Variants in TRAP1 observed in about 807,000 individuals in gnomAD.
The protein encoded by TRAP1 is TNF receptor associated protein 1, also known as heat shock protein 75 kDa, mitochondrial.
Under a neutral mutation model 89.1 loss-of-function variants are expected in TRAP1, and 102 were observed. The observed-to-expected ratio is 1.15, with a 90% confidence interval of 0.98 to 1.35. The LOEUF is 1.35. Ranked by LOEUF, TRAP1 falls within the 40% of genes most tolerant of loss-of-function variation. The probability of loss-of-function intolerance (pLI) is 0.00; values close to 1 mark genes in which losing one functional copy is unlikely to be tolerated. For synonymous variants in TRAP1, 508 were observed against 388.0 expected (o/e 1.31, Z -3.64); for missense variants, 1,256 against 945.3 (o/e 1.33, Z -4.31).
In TRAP1 at chr16:3,686,070, A is replaced by G; in HGVS notation, c.397T>C (p.Ser133Pro). 3 of 1,614,100 alleles carry G rather than the reference A, an allele frequency of 1.9e-6. No homozygotes were observed. Among genetic ancestry groups the G allele is most frequent in the Non-Finnish European group, 2.5e-6 (3 of 1,180,008 alleles). Residue 133 changes from serine to proline, a missense_variant, in exon 4 of 18, where the codon TCT becomes CCT. By Grantham distance (74) the Ser-to-Pro change is moderately conservative. Coordinates refer to ENST00000246957, the MANE Select transcript of TRAP1 (RefSeq NM_016292.3). Reference protein sequence around the residue: ...ALEKLRHKLVSDGQALPEMEI... With the variant: ...ALEKLRHKLVPDGQALPEMEI... ...ATTTCTGGCAGTGCTTGGCCGTCAG[A>G]CACCAGTTTGTGACGCAGTTTTTCC... is the stretch of plus-strand genomic sequence containing the variant.
At chr16:3,714,836 C>G (rs2051576645) in intron 1 of TRAP1, among the ~76,000 whole-genome samples, 1 of 152,122 alleles carries the variant, frequency 6.6e-6, no homozygotes, top group South Asian at 2.1e-4. Flanking sequence ...ATGCTACAAC[C>G]TGGAAATACT....
chr16:3,703,754 G>A (rs925764784), intron 1 of TRAP1, among the ~76,000 whole-genome samples: 5 of 152,128 alleles, frequency 3.3e-5, no homozygotes, highest in East Asian at 3.9e-4. Flanking sequence ...GGTGGCTTAC[G>A]CCTGTAATCC....
intron 1 of TRAP1, among the ~76,000 whole-genome samples, chr16:3,705,530 G>T (rs954368301): frequency 6.6e-6 from 1 of 152,146 alleles, no homozygotes; most frequent in Non-Finnish European, 1.5e-5. Flanking sequence ...ACAATATATG[G>T]TTTTTTGTCT....
At chr16:3,684,090 C>CG (rs1567234736) in intron 4 of TRAP1, among the ~76,000 whole-genome samples, 1 of 151,956 alleles carries the variant, frequency 6.6e-6, no homozygotes, top group African/African-American at 2.4e-5. Flanking sequence ...CACTTAAATC[C>CG]GGGGGGCAGA....
intron 8 of TRAP1, 198 bp from the exon 9 acceptor site, chr16:3,674,692 G>A (rs1004071960): frequency 1.6e-6 from 1 of 639,914 alleles, no homozygotes. Flanking sequence ...ACAAGGCTCT[G>A]GGGCAGGAGC....
chr16:3,700,225 T>C (rs1000956087), intron 1 of TRAP1, among the ~76,000 whole-genome samples: 1 of 151,726 alleles, frequency 6.6e-6, no homozygotes, highest in East Asian at 1.9e-4. Flanking sequence ...TGGAGTGCAA[T>C]GGCGCGATCT....
intron 3 of TRAP1, among the ~76,000 whole-genome samples, chr16:3,688,431 C>T (rs1359209312): frequency 6.6e-6 from 1 of 152,148 alleles, no homozygotes; most frequent in East Asian, 1.9e-4. Flanking sequence ...GGCCTCAGAG[C>T]GTATCCAAAG....
rs1340976845 is a variant in TRAP1 at position 3,677,934 on chromosome 16, G to A, written c.544-276C>T. ...CTGTCCCAGACAGGTGGAGGCCTGT[G>A]GGTCACACCTGGGGGTGGGGAAAGA... On this transcript the variant is annotated intron_variant, in intron 5 of 17. Transcript: ENST00000246957. The A allele has an allele frequency of 2.3e-5, 9 of 398,986 alleles. No homozygotes were observed. The East Asian group carries it at 4.3e-4, about 19-fold the overall frequency. The allele number at this position is 398,986 out of a possible 1,614,324, so 24.7% of individuals were successfully genotyped here.
chr16:3,665,996 A>C lies in TRAP1; in HGVS notation c.1358T>G (p.Val453Gly), dbSNP rs2050822299. 1 of 1,613,986 alleles carries C rather than the reference A, an allele frequency of 6.2e-7. No homozygotes were observed. Among genetic ancestry groups the C allele is most frequent in the Non-Finnish European group, 8.5e-7 (1 of 1,179,948 alleles). ...DYGLFMREGI[V>G]TATEQEVKED... is the part of the protein sequence containing the mutation. ...CTTGACCTCCTGCTCGGTGGCGGTC[A>C]CAATGCCCTCCCGCATGAACAGGCC... The change falls in exon 12 of 18, where the codon GTG becomes GGG. Residue 453 changes from valine to glycine, a missense_variant. Transcript: ENST00000246957.
chr16:3,709,227 C>CAAAAAAAAAAAAAACAAAAAAAA (rs2051493221), intron 1 of TRAP1, among the ~76,000 whole-genome samples: 1 of 82,398 alleles, frequency 1.2e-5, no homozygotes, highest in Non-Finnish European at 2.8e-5. Context: ...AACTCCATCT[C>CAAAAAAAAAAAAAACAAAAAAAA]AAAAAAAAAA....
chr16:3,674,537 C>T, intron 8 of TRAP1, 43 bp from the exon 9 acceptor site: 1 of 1,601,392 alleles, frequency 6.2e-7, no homozygotes, highest in African/African-American at 1.3e-5. Flanking sequence ...GTTCACCACG[C>T]ACGTCTTCTC....
intron 5 of TRAP1, among the ~76,000 whole-genome samples, chr16:3,678,759 C>G (rs751756347): frequency 6.6e-6 from 1 of 152,194 alleles, no homozygotes; most frequent in African/African-American, 2.4e-5. Context: ...CCGCACCCGA[C>G]CTAGTGTTTT....
chr16:3,687,536 C>T (rs2051153661), intron 3 of TRAP1, among the ~76,000 whole-genome samples: 1 of 152,174 alleles, frequency 6.6e-6, no homozygotes, highest in South Asian at 2.1e-4. Flanking sequence ...CAGGGCCCAG[C>T]TGTCCCTCAG....
intron 15 of TRAP1, 58 bp from the exon 16 acceptor site, chr16:3,662,190 A>G: frequency 6.4e-7 from 1 of 1,571,846 alleles, no homozygotes; most frequent in Non-Finnish European, 8.6e-7. Flanking sequence ...GAGGGCTGGC[A>G]GGATCTTACC....
chr16:3,700,340 C>T (rs1006865449), intron 1 of TRAP1, among the ~76,000 whole-genome samples: 3 of 151,498 alleles, frequency 2.0e-5, no homozygotes, highest in African/African-American at 7.3e-5. Context: ...GCTAATTTTG[C>T]ATTTTTTGTA....
intron 1 of TRAP1, among the ~76,000 whole-genome samples, chr16:3,715,210 G>T (rs2051581792): frequency 6.6e-6 from 1 of 152,152 alleles, no homozygotes; most frequent in South Asian, 2.1e-4. Flanking sequence ...AGGCCGAAGT[G>T]GGCGGATCAC....
At chr16:3,710,873 A>ATTTTTTTTTT (rs199927286) in intron 1 of TRAP1, among the ~76,000 whole-genome samples, 2 of 106,056 alleles carry the variant, frequency 1.9e-5, no homozygotes, top group African/African-American at 9.7e-5. Context: ...ATATATATAT[A>ATTTTTTTTTT]TATATATTTT....
rs1317619091 is a variant in TRAP1, at chr16:3,658,920, C to CCCTTCATGTTTT, written c.1941-67_1941-56dup. On this transcript the variant is annotated intron_variant, in intron 16 of 17. Coordinates refer to ENST00000246957, the MANE Select transcript of TRAP1 (RefSeq NM_016292.3). ...GCTCAGTACCACGTGCTGTGACCCT[C>CCCTTCATGTTTT]CCTTCATGTTTTGGGATTATCAGGA... 1.8e-5 allele frequency: 28 copies of CCCTTCATGTTTT among 1,573,758 alleles called. No homozygotes were observed. In the African/African-American group the frequency reaches 3.2e-4, roughly 18 times the overall value.
chr16:3,697,374 G>A (rs2051302887), intron 1 of TRAP1, among the ~76,000 whole-genome samples: 1 of 151,882 alleles, frequency 6.6e-6, no homozygotes, highest in South Asian at 2.1e-4. Context: ...ATATATTAAG[G>A]AAATTAGTCG....
Sources: gnomAD v4.1 joint callset for allele counts (sites outside exome capture counted in the v4.1 genomes callset) on GRCh38, gnomAD v4.1.1 for gene constraint, MANE v1.5 for transcripts, NCBI Gene and HGNC (gene_info 2026-07-23, HGNC 2026-07-21) for gene names.